Variants in VSNL1 observed in about 807,000 individuals in gnomAD.
The protein encoded by VSNL1 is visinin-like protein 1.
In VSNL1, 6 loss-of-function variants were observed where a neutral mutation model predicts 20.4. The ratio of observed to expected loss-of-function variants is 0.29; its 90% CI spans 0.16 to 0.58. The LOEUF (loss-of-function observed/expected upper bound fraction) is 0.58, where lower values mean the gene tolerates loss of function less well. Ranked by LOEUF, VSNL1 falls within the 20% of genes least tolerant of loss-of-function variation. VSNL1 has a pLI of 0.90. For synonymous variants in VSNL1, 93 were observed against 86.4 expected (o/e 1.08, Z -0.42); for missense variants, 100 against 234.5 (o/e 0.43, Z 3.75).
intron 2 of VSNL1, among the ~76,000 whole-genome samples, chr2:17,642,055 T>C (rs1003565629): frequency 1.3e-4 from 20 of 152,176 alleles, no homozygotes; most frequent in Admixed American, 1.2e-3. Context: ...TCCGTCATTT[T>C]ATATCCAGGG....
chr2:17,604,150 G>A (rs1175120445), intron 2 of VSNL1, among the ~76,000 whole-genome samples: 1 of 152,218 alleles, frequency 6.6e-6, no homozygotes, highest in African/African-American at 2.4e-5. Flanking sequence ...GGTTGAGGGC[G>A]TCCAGCAGGG....
chr2:17,548,509 T>C (rs1319060083), intron 1 of VSNL1, among the ~76,000 whole-genome samples: 1 of 152,172 alleles, frequency 6.6e-6, no homozygotes, highest in African/African-American at 2.4e-5. Context: ...ATTTTCTCAC[T>C]GGTGAAAATA....
At chr2:17,617,883 G>GCACACATGCACATGCACATGCA (rs1241200038) in intron 2 of VSNL1, among the ~76,000 whole-genome samples, 7 of 135,238 alleles carry the variant, frequency 5.2e-5, no homozygotes, top group Non-Finnish European at 8.5e-5. Flanking sequence ...ACATGCACAT[G>GCACACATGCACATGCACATGCA]CACGCGCACA....
intron 2 of VSNL1, among the ~76,000 whole-genome samples, chr2:17,646,537 A>G (rs1666000269): frequency 6.6e-6 from 1 of 152,246 alleles, no homozygotes; most frequent in Admixed American, 6.5e-5. Context: ...GTACAATGTC[A>G]GATTTTGTTA....
intron 2 of VSNL1, among the ~76,000 whole-genome samples, chr2:17,604,590 A>G (rs1664902015): frequency 6.6e-6 from 1 of 152,232 alleles, no homozygotes; most frequent in Admixed American, 6.5e-5. Flanking sequence ...CCGGGTAAAA[A>G]CAGTAACACG....
At chr2:17,552,068 C>T (rs976473853) in intron 1 of VSNL1, among the ~76,000 whole-genome samples, 9 of 151,388 alleles carry the variant, frequency 5.9e-5, no homozygotes, top group African/African-American at 1.9e-4. Context: ...GGCGTGGTGG[C>T]GGGTGCCTGT....
At position 17,649,600 on chromosome 2, in the gene VSNL1, G is replaced by A. The variant is rs1263390811; in HGVS notation, c.353G>A (p.Arg118Gln). Reference sequence around the variant, plus strand: ...CTGGATGGTGATGGCAAGATCACCCGAGTGGAGATGCTGGAGATCATCGAG... The same window carrying A: ...CTGGATGGTGATGGCAAGATCACCCAAGTGGAGATGCTGGAGATCATCGAG... Reference protein sequence around the residue: ...YDLDGDGKITRVEMLEIIEAI... With the variant: ...YDLDGDGKITQVEMLEIIEAI... The change falls in exon 3 of 4, where the codon CGA becomes CAA. Residue 118 changes from arginine to glutamine, a missense_variant. Physicochemically the swap from Arg to Gln is conservative, Grantham distance 43. Coordinates refer to ENST00000295156, the MANE Select transcript of VSNL1 (RefSeq NM_003385.5). The surrounding 1 kb of genome is among the most constrained non-coding windows in gnomAD (Gnocchi z 6.4). 4.3e-6 allele frequency: 7 copies of A among 1,614,126 alleles called. No individual in the cohort carries two copies. Among genetic ancestry groups the A allele is most frequent in the African/African-American group, 1.3e-5 (1 of 75,034 alleles).
chr2:17,589,417 G>A (rs1000902729), intron 1 of VSNL1, among the ~76,000 whole-genome samples: 1 of 152,196 alleles, frequency 6.6e-6, no homozygotes, highest in Non-Finnish European at 1.5e-5. Context: ...ATTCACTCAG[G>A]CAGCTGTGCA....
chr2:17,623,274 G>C (rs1665428194), intron 2 of VSNL1, among the ~76,000 whole-genome samples: 1 of 152,104 alleles, frequency 6.6e-6, no homozygotes. Flanking sequence ...TAAGTAAGTA[G>C]GATACTTGTT....
intron 2 of VSNL1, among the ~76,000 whole-genome samples, chr2:17,597,535 G>A (rs1249100493): frequency 6.6e-6 from 1 of 152,150 alleles, no homozygotes; most frequent in African/African-American, 2.4e-5. Flanking sequence ...ACAGGTGAGA[G>A]AGCCCTAGAG....
At chr2:17,545,724 A>G (rs1172368509) in intron 1 of VSNL1, among the ~76,000 whole-genome samples, 1 of 152,146 alleles carries the variant, frequency 6.6e-6, no homozygotes, top group Non-Finnish European at 1.5e-5. Context: ...TGCTTTAGAA[A>G]CTATTTAATG....
rs925687340 is a variant in VSNL1 at position 17,545,242 on chromosome 2, T to A, written c.-6+4324T>A. Among the ~76,000 whole-genome samples the A allele has an allele frequency of 3.3e-5, 5 of 152,098 alleles. No homozygotes were observed. In the East Asian group the frequency reaches 9.6e-4, roughly 29 times the overall value. On this transcript the variant is annotated intron_variant, in intron 1 of 3. Transcript: ENST00000295156. ...TGCACAATTAACATTTCTTTAAGTA[T>A]CTTTGTTAGTAACGAAAAAAACTAG...
intron 1 of VSNL1, among the ~76,000 whole-genome samples, chr2:17,547,881 C>G (rs896565693): frequency 2.0e-5 from 3 of 152,064 alleles, no homozygotes; most frequent in African/African-American, 7.2e-5. Context: ...CGTTTCCCTT[C>G]TCCCCCAACC....
chr2:17,623,273 A>G (rs12993731), intron 2 of VSNL1, among the ~76,000 whole-genome samples: 45,726 of 152,166 alleles, frequency 0.3, 8,752 homozygotes, highest in Middle Eastern at 0.57. Context: ...GTAAGTAAGT[A>G]GGATACTTGT....
intron 1 of VSNL1, among the ~76,000 whole-genome samples, chr2:17,550,882 C>A (rs1020316974): frequency 6.6e-6 from 1 of 152,208 alleles, no homozygotes; most frequent in Non-Finnish European, 1.5e-5. Flanking sequence ...CTTCTCAGTC[C>A]TCTTAGCACA....
chr2:17,640,519 T>A (rs945966302), intron 2 of VSNL1, among the ~76,000 whole-genome samples: 1 of 152,148 alleles, frequency 6.6e-6, no homozygotes, highest in Non-Finnish European at 1.5e-5. Flanking sequence ...GTGGGGCTCA[T>A]ATAATTTGGG....
At chr2:17,599,023 G>A (rs1027688873) in intron 2 of VSNL1, among the ~76,000 whole-genome samples, 1 of 152,210 alleles carries the variant, frequency 6.6e-6, no homozygotes, top group Non-Finnish European at 1.5e-5. Flanking sequence ...GGGATAAAAC[G>A]CAGCCCCTGC....
At position 17,649,300 on chromosome 2, in the gene VSNL1, G is replaced by T. The variant is rs1666071914; in HGVS notation, c.163-110G>T. 2 of 1,075,784 alleles carry T rather than the reference G, an allele frequency of 1.9e-6. No homozygotes were observed. The highest frequency in any genetic ancestry group is 2.8e-6 in the Non-Finnish European group (2 of 714,394). The allele number at this position is 1,075,784 out of a possible 1,614,324, so 66.6% of individuals were successfully genotyped here. A position where few individuals can be genotyped will look rare whatever the true frequency, so the allele number is the denominator to read the frequency against. ...CAGGCCAAACTGCTCTCCAATGGGT[G>T]AGGCTCCGACAACGCCCAGGAGCAC... On this transcript the variant is annotated intron_variant, in intron 2 of 3. Transcript: ENST00000295156. The surrounding 1 kb of genome is among the most constrained non-coding windows in gnomAD (Gnocchi z 6.4).
chr2:17,551,774 G>T (rs912294024), intron 1 of VSNL1, among the ~76,000 whole-genome samples: 1 of 151,950 alleles, frequency 6.6e-6, no homozygotes, highest in Non-Finnish European at 1.5e-5. Flanking sequence ...TTCATCTTTG[G>T]CTGTTAGCCA....
Sources: gnomAD v4.1 joint callset for allele counts (sites outside exome capture counted in the v4.1 genomes callset) on GRCh38, gnomAD v4.1.1 for gene constraint, Gnocchi (gnomAD v3.1) non-coding constraint, MANE v1.5 for transcripts, NCBI Gene and HGNC (gene_info 2026-07-23, HGNC 2026-07-21) for gene names.